Variants in KCNMA1 observed in about 807,000 individuals in gnomAD.
The protein encoded by KCNMA1 is Calcium-activated potassium channel subunit alpha-1.
Under a neutral mutation model 140.0 loss-of-function variants are expected in KCNMA1, and 29 were observed. The observed-to-expected ratio is 0.21, with a 90% CI of 0.15 to 0.28. The LOEUF is 0.28. Among genes scored for constraint, KCNMA1 ranks in the 10% least tolerant of loss-of-function variants. KCNMA1 has a pLI of 1.00. For missense variants in KCNMA1, 880 were observed against 1,602.2 expected (o/e 0.55, Z 7.70); for synonymous variants, 612 against 611.9 (o/e 1.00, Z 0.00).
intron 18 of KCNMA1, among the ~76,000 whole-genome samples, chr10:77,005,389 C>G (rs558307314): frequency 6.6e-6 from 1 of 152,300 alleles, no homozygotes; most frequent in South Asian, 2.1e-4. Flanking sequence ...GACTGCGTCT[C>G]CTTTTTAAAG....
At chr10:77,441,836 CTT>C (rs887258499) in intron 1 of KCNMA1, among the ~76,000 whole-genome samples, 1 of 148,540 alleles carries the variant, frequency 6.7e-6, no homozygotes, top group Non-Finnish European at 1.5e-5. Flanking sequence ...AGCCTGAGAT[CTT>C]TTTTTTTTCT....
chr10:77,526,777 G>A (rs1055235803), intron 1 of KCNMA1, among the ~76,000 whole-genome samples: 1 of 152,112 alleles, frequency 6.6e-6, no homozygotes, highest in African/African-American at 2.4e-5. Flanking sequence ...CCTACTCGCT[G>A]AGATAGATTT....
chr10:77,559,696 G>GA lies in KCNMA1; in HGVS notation c.378+77568dup, dbSNP rs571982591. 9.5e-4 allele frequency among the ~76,000 whole-genome samples: 143 copies of GA among 149,964 alleles called. No homozygotes were observed. In the Middle Eastern group the frequency reaches 0.01, roughly 11 times the overall value. On this transcript the variant is annotated intron_variant, in intron 1 of 27. Transcript: ENST00000286628. ...CTGAGTCTATGTGTGTTTTTGAGAG[G>GA]AAAAAAAAATGCTTCTGGTTTCACC... is the stretch of plus-strand genomic sequence containing the variant.
intron 16 of KCNMA1, among the ~76,000 whole-genome samples, chr10:77,022,320 C>T (rs991742503): frequency 6.6e-6 from 1 of 152,152 alleles, no homozygotes; most frequent in Non-Finnish European, 1.5e-5. Flanking sequence ...AGAGAAAAAG[C>T]CCATATATCC....
Position 77,022,905 on chromosome 10 carries a change from T to C in KCNMA1, c.1929-3806A>G, listed in dbSNP as rs1311092154. ...CTCTCAGATGTGTTAAGTATGAATATGTAAATATCCCAATATGTAAACAGC... is the reference window on the plus strand; with the variant it reads ...CTCTCAGATGTGTTAAGTATGAATACGTAAATATCCCAATATGTAAACAGC... On this transcript the variant is annotated intron_variant, in intron 16 of 27. Coordinates refer to ENST00000286628, the MANE Select transcript of KCNMA1 (RefSeq NM_001161352.2). The C allele has an allele frequency of 6.6e-6, 3 of 454,446 alleles. No homozygotes were observed. In the Admixed American group the frequency reaches 7.1e-5, roughly 11 times the overall value. 28.2% of individuals were successfully genotyped at this position (454,446 alleles called of 1,614,324 possible).
chr10:77,121,063 G>C lies in KCNMA1; in HGVS notation c.809-15C>G. ...AAATCTCAAACCTGGAAAAAAGAAT[G>C]AAATAGAGATGCATTATTTTCAATG... is the stretch of plus-strand genomic sequence containing the variant. On this transcript the variant is annotated splice_polypyrimidine_tract_variant and intron_variant, in intron 5 of 27. Coordinates refer to ENST00000286628, the MANE Select transcript of KCNMA1 (RefSeq NM_001161352.2). The C allele has an allele frequency of 6.8e-7, 1 of 1,472,946 alleles. No individual in the cohort carries two copies. The highest frequency in any genetic ancestry group is 9.5e-7 in the Non-Finnish European group (1 of 1,056,152). The allele number at this position is 1,472,946 out of a possible 1,614,324, so 91.2% of individuals were successfully genotyped here.
intron 1 of KCNMA1, among the ~76,000 whole-genome samples, chr10:77,534,829 T>C (rs553656393): frequency 7.9e-5 from 12 of 152,318 alleles, no homozygotes; most frequent in South Asian, 2.1e-4. Context: ...GCCTACAATC[T>C]ATACCTACAA....
chr10:77,520,761 C>T (rs1411568819), intron 1 of KCNMA1, among the ~76,000 whole-genome samples: 1 of 152,110 alleles, frequency 6.6e-6, no homozygotes, highest in African/African-American at 2.4e-5. Flanking sequence ...CATTCCCATC[C>T]TCAACAGAGA....
At chr10:77,245,456 G>A (rs1040383717) in intron 3 of KCNMA1, among the ~76,000 whole-genome samples, 8 of 152,142 alleles carry the variant, frequency 5.3e-5, no homozygotes, top group Non-Finnish European at 1.0e-4. Flanking sequence ...GAGGCAGTGG[G>A]TCTACACCTG....
chr10:77,448,298 A>C (rs16934799), intron 1 of KCNMA1, among the ~76,000 whole-genome samples: 8,936 of 152,274 alleles, frequency 0.059, 361 homozygotes, highest in East Asian at 0.14. Flanking sequence ...GCAATCTTGC[A>C]GAAAAGGGCC....
At chr10:76,994,718 T>C (rs2083697470) in intron 19 of KCNMA1, among the ~76,000 whole-genome samples, 1 of 152,248 alleles carries the variant, frequency 6.6e-6, no homozygotes, top group South Asian at 2.1e-4. Context: ...CATTTTTGGC[T>C]GCTCTGTGCT....
At chr10:77,227,102 T>G (rs917569462) in intron 3 of KCNMA1, among the ~76,000 whole-genome samples, 15 of 152,188 alleles carry the variant, frequency 9.9e-5, no homozygotes, top group African/African-American at 1.4e-4. Flanking sequence ...AGATAATGAT[T>G]CTGTGCATGC....
At chr10:77,397,875 T>A (rs1356232829) in intron 2 of KCNMA1, among the ~76,000 whole-genome samples, 1 of 152,170 alleles carries the variant, frequency 6.6e-6, no homozygotes, top group Non-Finnish European at 1.5e-5. Context: ...GGTATTTGAC[T>A]TCGTTTCTGA....
intron 1 of KCNMA1, among the ~76,000 whole-genome samples, chr10:77,486,544 T>G (rs2098462874): frequency 6.6e-6 from 1 of 152,234 alleles, no homozygotes; most frequent in Non-Finnish European, 1.5e-5. Context: ...TCTTAACCTC[T>G]CTTGACCCTT....
intron 5 of KCNMA1, among the ~76,000 whole-genome samples, chr10:77,135,860 T>A (rs2098007895): frequency 6.6e-6 from 1 of 152,130 alleles, no homozygotes; most frequent in Non-Finnish European, 1.5e-5. Flanking sequence ...AAATTTCAGT[T>A]AAATAAGAGA....
intron 3 of KCNMA1, among the ~76,000 whole-genome samples, 196 bp from the exon 4 acceptor site, chr10:77,185,112 A>T (rs2154128519): frequency 6.6e-6 from 1 of 152,232 alleles, no homozygotes; most frequent in Middle Eastern, 3.4e-3. Flanking sequence ...CCATTCAGGA[A>T]CTACTGTTCT....
intron 2 of KCNMA1, among the ~76,000 whole-genome samples, chr10:77,312,401 G>A (rs914149085): frequency 7.2e-5 from 11 of 152,196 alleles, no homozygotes; most frequent in Non-Finnish European, 7.3e-5. Context: ...CAAGGCAGGC[G>A]GATCACCTGA....
chr10:76,919,196 A>C (rs1564905001), intron 23 of KCNMA1, among the ~76,000 whole-genome samples: 1 of 152,158 alleles, frequency 6.6e-6, no homozygotes, highest in Non-Finnish European at 1.5e-5. Flanking sequence ...AAGACTACAA[A>C]TATGGGGCAG....
At chr10:77,428,453 C>T (rs2097075371) in intron 1 of KCNMA1, among the ~76,000 whole-genome samples, 1 of 152,162 alleles carries the variant, frequency 6.6e-6, no homozygotes, top group African/African-American at 2.4e-5. Flanking sequence ...AGACTGTTCA[C>T]GTGGCCCAGT....
Sources: gnomAD v4.1 joint callset for allele counts (sites outside exome capture counted in the v4.1 genomes callset) on GRCh38, gnomAD v4.1.1 for gene constraint, MANE v1.5 for transcripts, NCBI Gene and HGNC (gene_info 2026-07-23, HGNC 2026-07-21) for gene names.